Variants in PPFIA3 observed in about 807,000 individuals in gnomAD.
The protein encoded by PPFIA3 is liprin-alpha-3.
PPFIA3 carries 26 observed loss-of-function variants against 145.8 expected under a neutral mutation model. The observed-to-expected ratio is 0.18, with a 90% CI of 0.13 to 0.25. PPFIA3 has a LOEUF of 0.25. Ranked by LOEUF, PPFIA3 falls within the 10% of genes least tolerant of loss-of-function variation. The probability of loss-of-function intolerance (pLI) is 1.00; values close to 1 mark genes in which losing one functional copy is unlikely to be tolerated. For missense variants in PPFIA3, 1,008 were observed against 1,587.8 expected (o/e 0.63, Z 6.21); for synonymous variants, 645 against 661.4 (o/e 0.98, Z 0.38).
intron 21 of PPFIA3, 118 bp from the exon 22 acceptor site, chr19:49,145,825 G>C: frequency 1.2e-6 from 1 of 840,254 alleles, no homozygotes; most frequent in Non-Finnish European, 2.0e-6. Flanking sequence ...GTTACTGCTT[G>C]CCCCAGAAAG....
intron 7 of PPFIA3, 145 bp from the exon 8 acceptor site, chr19:49,132,856 G>C (rs1158168008): frequency 2.0e-6 from 2 of 1,006,148 alleles, no homozygotes; most frequent in African/African-American, 3.3e-5. Flanking sequence ...GACTTAAGAT[G>C]GGCTAGTCCT....
Position 49,128,567 on chromosome 19 carries a change from T to TC in PPFIA3, c.342+104dup, listed in dbSNP as rs901814703. 3.5e-6 allele frequency: 4 copies of TC among 1,148,702 alleles called. No individual in the cohort carries two copies. Among genetic ancestry groups the TC allele is most frequent in the Admixed American group, 2.0e-5 (1 of 49,460 alleles). 71.2% of individuals were successfully genotyped at this position (1,148,702 alleles called of 1,614,324 possible). A position where few individuals can be genotyped will look rare whatever the true frequency, so the allele number is the denominator to read the frequency against. On this transcript the variant is annotated intron_variant, in intron 3 of 29. Transcript: ENST00000334186. The surrounding 1 kb of genome is among the most constrained non-coding windows in gnomAD (Gnocchi z 4.1). The stretch of plus-strand genomic sequence containing the variant: ...AGTGTTGCAGCGTGACCTATTTTTT[T>TC]CCCCCATCTCGCCTTTCTGTCTTCT...
intron 21 of PPFIA3, 110 bp from the exon 22 acceptor site, chr19:49,145,833 A>T (rs1181840083): frequency 1.1e-6 from 1 of 916,942 alleles, no homozygotes; most frequent in African/African-American, 1.6e-5. Flanking sequence ...TTGCCCCAGA[A>T]AGCAGGAGGG....
rs184993843 is a variant in PPFIA3, at chr19:49,129,184, C to T, written c.507+172C>T. Among the ~76,000 whole-genome samples the T allele has an allele frequency of 5.4e-3, 821 of 152,266 alleles. 6 individuals carry two copies. The highest frequency in any genetic ancestry group is 0.019 in the African/African-American group (779 of 41,548). On this transcript the variant is annotated intron_variant, in intron 4 of 29. Transcript: ENST00000334186. ...AGACTGGGACCTGACTGGTTGATAG[C>T]AGAAAAATAAACCAGGATGGGGGCT...
rs2041326705 is a variant in PPFIA3 at position 49,149,972 on chromosome 19, G to A, written c.3527-108G>A. 7.4e-7 allele frequency: 1 copy of A among 1,347,840 alleles called. No individual in the cohort carries two copies. The highest frequency in any genetic ancestry group is 1.0e-6 in the Non-Finnish European group (1 of 978,580). The allele number at this position is 1,347,840 out of a possible 1,614,324, so 83.5% of individuals were successfully genotyped here. A position where few individuals can be genotyped will look rare whatever the true frequency, so the allele number is the denominator to read the frequency against. The stretch of plus-strand genomic sequence containing the variant: ...GGGAAGGGAGGGAAACCCATGTGGA[G>A]CCCGGCGATCGTTGTGACATCGGGA... On this transcript the variant is annotated intron_variant, in intron 28 of 29. Transcript: ENST00000334186. This position sits in a 1 kb window ranked among gnomAD's most constrained non-coding sequence, Gnocchi z 5.7.
rs11304397 is a variant in PPFIA3, at chr19:49,127,080, CAA to C, written c.-15-759_-15-758del. Among the ~76,000 whole-genome samples, 391 of 69,828 alleles carry C rather than the reference CAA, an allele frequency of 5.6e-3. 3 individuals are homozygous for C. The highest frequency in any genetic ancestry group is 0.01 in the Middle Eastern group (1 of 98). The allele number at this position is 69,828 out of a possible 152,430, so 45.8% of individuals were successfully genotyped here. ...GTCCAGGAGTGAGACCTCATCTCCA[CAA>C]AAAAAAAAAAAAAAAAAAAGGTCAG... On this transcript the variant is annotated intron_variant, in intron 1 of 29. Transcript: ENST00000334186.
At position 49,136,876 on chromosome 19, in the gene PPFIA3, T is replaced by G; in HGVS notation, c.1818T>G (p.Leu606=). The change falls in exon 15 of 30, where the codon CTT becomes CTG. Residue 606 remains leucine, a synonymous_variant. Coordinates refer to ENST00000334186, the MANE Select transcript of PPFIA3 (RefSeq NM_003660.4). ...ACGTGCAGACGCTGGCCATCATGCTTCAGGAGCAGCTGGAGGCCATCAACA... is the reference window on the plus strand; with the variant it reads ...ACGTGCAGACGCTGGCCATCATGCTGCAGGAGCAGCTGGAGGCCATCAACA... The part of the protein sequence containing the change: ...QADVQTLAIM[L]QEQLEAINKE... 6.4e-7 allele frequency: 1 copy of G among 1,573,286 alleles called. No individual in the cohort carries two copies. Among genetic ancestry groups the G allele is most frequent in the Non-Finnish European group, 8.6e-7 (1 of 1,159,164 alleles).
chr19:49,146,079 T>G (rs574367735), intron 22 of PPFIA3, 74 bp downstream of exon 22: 1 of 1,606,484 alleles, frequency 6.2e-7, no homozygotes, highest in African/African-American at 1.3e-5. Flanking sequence ...ACCGAGTCTG[T>G]GGCCATCCCT....
At chr19:49,142,723 C>A in intron 20 of PPFIA3, 81 bp from the exon 21 acceptor site, 1 of 1,274,950 alleles carries the variant, frequency 7.8e-7, no homozygotes, top group South Asian at 1.3e-5. Flanking sequence ...TGCCTTTCCC[C>A]ACCTCCCTGT....
At position 49,130,242 on chromosome 19, in the gene PPFIA3, C is replaced by A; in HGVS notation, c.658-136C>A. On this transcript the variant is annotated intron_variant, in intron 6 of 29. Transcript: ENST00000334186. The surrounding 1 kb of genome is among the most constrained non-coding windows in gnomAD (Gnocchi z 4.5). ...TAGCGAACTTCTGTGACCTCCTTCA[C>A]TGACCCCCGTGGACTCTGACCAGCA... 8.8e-7 allele frequency: 1 copy of A among 1,140,076 alleles called. No homozygotes were observed. The highest frequency in any genetic ancestry group is 1.2e-6 in the Non-Finnish European group (1 of 812,812). The allele number at this position is 1,140,076 out of a possible 1,614,324, so 70.6% of individuals were successfully genotyped here.
intron 20 of PPFIA3, among the ~76,000 whole-genome samples, chr19:49,142,422 C>T (rs2041233814): frequency 6.6e-6 from 1 of 152,062 alleles, no homozygotes; most frequent in Admixed American, 6.6e-5. Context: ...CATCTCTGAC[C>T]ACGCTTTTGT....
chr19:49,131,027 A>G (rs62127936), intron 7 of PPFIA3, among the ~76,000 whole-genome samples: 1 of 64,542 alleles, frequency 1.5e-5, no homozygotes, highest in Non-Finnish European at 3.3e-5. Context: ...ATGCACCGCT[A>G]ATTTTTTTTT....
At chr19:49,145,908 T>A (rs1302585204) in intron 21 of PPFIA3, 35 bp from the exon 22 acceptor site, 1 of 1,601,204 alleles carries the variant, frequency 6.2e-7, no homozygotes, top group Non-Finnish European at 8.6e-7. Flanking sequence ...CGCGAAGCCC[T>A]CTCCCACCAT....
chr19:49,132,409 A>G (rs906589589), intron 7 of PPFIA3, among the ~76,000 whole-genome samples: 26 of 146,198 alleles, frequency 1.8e-4, no homozygotes, highest in Non-Finnish European at 2.2e-4. Context: ...AAAAAAAAAA[A>G]AAAAAAAAAA....
rs1482521473 is a variant in PPFIA3, at chr19:49,133,693, C to A, written c.1162-103C>A. On this transcript the variant is annotated intron_variant, in intron 9 of 29. Transcript: ENST00000334186. This position sits in a 1 kb window ranked among gnomAD's most constrained non-coding sequence, Gnocchi z 7.2. ...TCAAAGGTGCAGGGGAGGAGCCTGGCGCTGTGGGGGCGGAGCCTGGCGCTC... is the reference window on the plus strand; with the variant it reads ...TCAAAGGTGCAGGGGAGGAGCCTGGAGCTGTGGGGGCGGAGCCTGGCGCTC... 2.4e-6 allele frequency: 3 copies of A among 1,244,698 alleles called. No homozygotes were observed. The highest frequency in any genetic ancestry group is 2.3e-6 in the Non-Finnish European group (2 of 864,320). 77.1% of individuals were successfully genotyped at this position (1,244,698 alleles called of 1,614,324 possible). A position where few individuals can be genotyped will look rare whatever the true frequency, so the allele number is the denominator to read the frequency against.
At position 49,138,261 on chromosome 19, in the gene PPFIA3, G is replaced by A. The variant is rs1327736784; in HGVS notation, c.1910G>A (p.Arg637Gln). Residue 637 changes from arginine to glutamine, a missense_variant, in exon 16 of 30, where the codon CGG (arginine) becomes CAG (glutamine). Physicochemically the swap from Arg to Gln is conservative, Grantham distance 43 (BLOSUM62 1). Coordinates refer to ENST00000334186, the MANE Select transcript of PPFIA3 (RefSeq NM_003660.4). ...CAGAGGGCAGAGGAGCTGGAGAGTC[G>A]GGTGTCCAGCTCTGGCTTGGACTCG... Reference protein sequence around the residue: ...TEQRAEELESRVSSSGLDSLG... With the variant: ...TEQRAEELESQVSSSGLDSLG... The A allele has an allele frequency of 1.9e-6, 3 of 1,613,210 alleles. No individual in the cohort carries two copies. Among genetic ancestry groups the A allele is most frequent in the South Asian group, 1.1e-5 (1 of 91,010 alleles).
intron 1 of PPFIA3, among the ~76,000 whole-genome samples, chr19:49,127,244 TG>T (rs2041010302): frequency 6.6e-6 from 1 of 151,274 alleles, no homozygotes; most frequent in South Asian, 2.1e-4. Flanking sequence ...TAGCTGGGCA[TG>T]GTGGCGGGTT....
chr19:49,129,131 G>T, intron 4 of PPFIA3, 119 bp downstream of exon 4: 1 of 1,160,656 alleles, frequency 8.6e-7, no homozygotes, highest in East Asian at 2.5e-5. Flanking sequence ...GAAGAATGTT[G>T]ACTGTGATTG....
rs1436529950 is a variant in PPFIA3, at chr19:49,138,876, C to A, written c.2076+449C>A. 2.0e-5 allele frequency among the ~76,000 whole-genome samples: 3 copies of A among 151,780 alleles called. No homozygotes were observed. In the South Asian group the frequency reaches 6.2e-4, roughly 32 times the overall value. ...ATTCCAGTTACTCGGGAGGCTGATG[C>A]AGGAGAATCAATTGAACCCAAGAGG... On this transcript the variant is annotated intron_variant, in intron 16 of 29. Transcript: ENST00000334186.
Sources: gnomAD v4.1 joint callset for allele counts (sites outside exome capture counted in the v4.1 genomes callset) on GRCh38, gnomAD v4.1.1 for gene constraint, Gnocchi (gnomAD v3.1) non-coding constraint, MANE v1.5 for transcripts, NCBI Gene and HGNC (gene_info 2026-07-23, HGNC 2026-07-21) for gene names.